Variants in GPD2 observed in about 807,000 individuals in gnomAD.
The protein encoded by GPD2 is glycerol-3-phosphate dehydrogenase, mitochondrial.
Under a neutral mutation model 82.4 loss-of-function variants are expected in GPD2, and 54 were observed. The ratio of observed to expected loss-of-function variants is 0.66; its 90% CI spans 0.53 to 0.82. The LOEUF (loss-of-function observed/expected upper bound fraction) is 0.82, where lower values mean the gene tolerates loss of function less well. Ranked by LOEUF, GPD2 falls within the 40% of genes least tolerant of loss-of-function variation. The pLI is 0.00. For synonymous variants in GPD2, 288 were observed against 306.1 expected (o/e 0.94, Z 0.62); for missense variants, 748 against 896.2 (o/e 0.83, Z 2.11).
At chr2:156,535,064 G>T (rs2568816) in intron 6 of GPD2, among the ~76,000 whole-genome samples, 32,387 of 152,004 alleles carry the variant, frequency 0.21, 4,176 homozygotes, top group Middle Eastern at 0.31. Context: ...ACAGGAAGCA[G>T]TTGTGTAGAG....
At position 156,579,734 on chromosome 2, in the gene GPD2, A is replaced by G; in HGVS notation, c.2004A>G (p.Leu668=). ...QMDENTLHEI[L]NEVDLNKNGQ... is the part of the protein sequence containing the mutation. ...ATGAAAATACACTCCATGAAATTCT[A>G]AATGAAGTTGATTTGAATAAAAATG... is the stretch of plus-strand genomic sequence containing the variant. The change falls in exon 16 of 17, where the codon CTA becomes CTG. Residue 668 remains leucine, a synonymous_variant. Coordinates refer to ENST00000438166, the MANE Select transcript of GPD2 (RefSeq NM_000408.5). 1 of 1,565,188 alleles carries G rather than the reference A, an allele frequency of 6.4e-7. No homozygotes were observed. The highest frequency in any genetic ancestry group is 8.8e-7 in the Non-Finnish European group (1 of 1,135,400).
chr2:156,498,159 T>C (rs1684452406), intron 3 of GPD2, among the ~76,000 whole-genome samples: 1 of 152,216 alleles, frequency 6.6e-6, no homozygotes, highest in Admixed American at 6.5e-5. Flanking sequence ...GTAGCCATTC[T>C]TTTTATTTTA....
At chr2:156,426,102 T>G in the GPD2 span, among the ~76,000 whole-genome samples, 5 of 152,008 alleles carry the variant, frequency 3.3e-5, no homozygotes, top group Non-Finnish European at 5.9e-5. Flanking sequence ...TTTTTGTATT[T>G]TTAGTAGAGA....
chr2:156,504,594 T>C (rs1684716654), intron 3 of GPD2, among the ~76,000 whole-genome samples: 1 of 151,996 alleles, frequency 6.6e-6, no homozygotes, highest in Non-Finnish European at 1.5e-5. Flanking sequence ...AAATTTGTTC[T>C]AATGATATAA....
intron 6 of GPD2, among the ~76,000 whole-genome samples, chr2:156,517,446 G>A (rs997352214): frequency 2.0e-5 from 3 of 152,160 alleles, no homozygotes; most frequent in African/African-American, 7.2e-5. Flanking sequence ...ATGAAAATTG[G>A]GATAGTAAAT....
upstream of GPD2, among the ~76,000 whole-genome samples, chr2:156,434,149 G>A (rs1226371533): frequency 1.3e-5 from 2 of 152,122 alleles, no homozygotes; most frequent in Admixed American, 6.5e-5. Flanking sequence ...TGTTGCCCAG[G>A]GTGGAGTTCA....
chr2:156,482,628 ATTTC>A (rs1683773539), intron 2 of GPD2, among the ~76,000 whole-genome samples: 1 of 152,134 alleles, frequency 6.6e-6, no homozygotes. Flanking sequence ...AATTAAACTA[ATTTC>A]TTCTTTCCCA....
At chr2:156,454,915 G>A (rs1313047252) in intron 1 of GPD2, among the ~76,000 whole-genome samples, 4 of 152,112 alleles carry the variant, frequency 2.6e-5, no homozygotes, top group Admixed American at 6.5e-5. Context: ...AGACGTAGTG[G>A]CCAGTTGGAG....
At chr2:156,564,639 A>G (rs1411973181) in intron 9 of GPD2, among the ~76,000 whole-genome samples, 2 of 152,222 alleles carry the variant, frequency 1.3e-5, no homozygotes, top group African/African-American at 4.8e-5. Context: ...ATCCATAAAA[A>G]CCATTACATC....
chr2:156,448,232 C>G (rs939789959), intron 1 of GPD2, among the ~76,000 whole-genome samples: 7 of 151,958 alleles, frequency 4.6e-5, no homozygotes, highest in Admixed American at 1.3e-4. Context: ...CTCAGCCTCC[C>G]GAGTAGCTGG....
chr2:156,530,687 A>G (rs1231059719), intron 6 of GPD2, among the ~76,000 whole-genome samples: 1 of 152,070 alleles, frequency 6.6e-6, no homozygotes, highest in East Asian at 1.9e-4. Context: ...TATTGAGATA[A>G]TCATGTGGTT....
At chr2:156,502,550 C>A (rs1201039929) in intron 3 of GPD2, among the ~76,000 whole-genome samples, 1 of 152,108 alleles carries the variant, frequency 6.6e-6, no homozygotes, top group African/African-American at 2.4e-5. Flanking sequence ...CCTCAGCCTC[C>A]TGAGTAGCTG....
At chr2:156,516,225 A>G (rs920456258) in intron 6 of GPD2, among the ~76,000 whole-genome samples, 4 of 152,236 alleles carry the variant, frequency 2.6e-5, no homozygotes, top group Non-Finnish European at 5.9e-5. Context: ...TGAGAATATA[A>G]CAATAGTCAC....
chr2:156,481,992 C>T (rs1683750134), intron 2 of GPD2, among the ~76,000 whole-genome samples: 1 of 152,134 alleles, frequency 6.6e-6, no homozygotes, highest in Non-Finnish European at 1.5e-5. Flanking sequence ...ATAGGGATAA[C>T]AGTGGTACTT....
chr2:156,490,387 G>GAA (rs5835615), intron 2 of GPD2, among the ~76,000 whole-genome samples: 275 of 129,920 alleles, frequency 2.1e-3, no homozygotes, highest in Middle Eastern at 3.8e-3. Context: ...AGCTTTTATG[G>GAA]AAAAAAAAAA....
intron 6 of GPD2, among the ~76,000 whole-genome samples, chr2:156,545,541 T>A (rs977340240): frequency 1.3e-5 from 2 of 152,198 alleles, no homozygotes; most frequent in African/African-American, 4.8e-5. Flanking sequence ...CAGATGCTAT[T>A]CTAATTGAGA....
chr2:156,439,540 C>CAAAAAA (rs869250333), intron 1 of GPD2, among the ~76,000 whole-genome samples: 2 of 71,282 alleles, frequency 2.8e-5, no homozygotes, highest in Non-Finnish European at 5.3e-5. Flanking sequence ...AAAAAAAAAA[C>CAAAAAA]AAAAAAAAAA....
intron 2 of GPD2, among the ~76,000 whole-genome samples, chr2:156,485,605 T>A (rs1683909584): frequency 6.6e-6 from 1 of 152,180 alleles, no homozygotes; most frequent in South Asian, 2.1e-4. Flanking sequence ...TAATAACCAA[T>A]CCTCAAAGCT....
chr2:156,454,087 G>A (rs1682710055), intron 1 of GPD2, among the ~76,000 whole-genome samples: 1 of 152,192 alleles, frequency 6.6e-6, no homozygotes, highest in South Asian at 2.1e-4. Context: ...AAATTGGAAG[G>A]TGAGCTGGAG....
Sources: allele counts gnomAD v4.1 joint callset (sites outside exome capture counted in the v4.1 genomes callset), GRCh38; gene constraint gnomAD v4.1.1; transcripts MANE v1.5; gene names NCBI Gene and HGNC (gene_info 2026-07-23, HGNC 2026-07-21).